Variants in TRPC7 observed in about 807,000 individuals in gnomAD.
The protein encoded by TRPC7 is transient receptor potential cation channel subfamily C member 7.
TRPC7 carries 42 observed loss-of-function variants against 90.1 expected under a neutral mutation model. The ratio of observed to expected loss-of-function variants is 0.47; its 90% CI spans 0.36 to 0.60. TRPC7 has a LOEUF of 0.60. Among genes scored for constraint, TRPC7 ranks in the 20% least tolerant of loss-of-function variants. The pLI, the probability that TRPC7 is intolerant of heterozygous loss-of-function variation, is 0.00. For synonymous variants in TRPC7, 451 were observed against 436.3 expected (o/e 1.03, Z -0.42); for missense variants, 955 against 1,112.3 (o/e 0.86, Z 2.01).
intron 8 of TRPC7, among the ~76,000 whole-genome samples, chr5:136,226,769 A>C (rs1307993623): frequency 6.6e-6 from 1 of 152,246 alleles, no homozygotes; most frequent in African/African-American, 2.4e-5. Flanking sequence ...AACAGGTGAA[A>C]TTAATTTTAG....
intron 2 of TRPC7, among the ~76,000 whole-genome samples, chr5:136,316,943 G>A (rs1759043316): frequency 6.6e-6 from 1 of 152,242 alleles, no homozygotes. Flanking sequence ...ATAGTTGGAA[G>A]CCTGGCAAAC....
intron 3 of TRPC7, among the ~76,000 whole-genome samples, chr5:136,301,513 T>C (rs1758386545): frequency 6.6e-6 from 1 of 152,078 alleles, no homozygotes; most frequent in African/African-American, 2.4e-5. Flanking sequence ...TTGTGATTTG[T>C]TTCTGCCCCA....
intron 7 of TRPC7, among the ~76,000 whole-genome samples, chr5:136,237,823 C>T (rs1756030740): frequency 6.6e-6 from 1 of 152,214 alleles, no homozygotes; most frequent in South Asian, 2.1e-4. Context: ...CTGCAATAGG[C>T]TCCAATATCT....
At chr5:136,314,731 A>C (rs1758955548) in intron 3 of TRPC7, among the ~76,000 whole-genome samples, 1 of 152,192 alleles carries the variant, frequency 6.6e-6, no homozygotes, top group Non-Finnish European at 1.5e-5. Context: ...GGGGGCTTTA[A>C]AAATACCATT....
At chr5:136,335,479 C>T (rs1209205182) in intron 2 of TRPC7, among the ~76,000 whole-genome samples, 1 of 152,028 alleles carries the variant, frequency 6.6e-6, no homozygotes, top group African/African-American at 2.4e-5. Context: ...ACCCCTTCTC[C>T]CCATACCCAC....
chr5:136,216,524 G>C (rs1281608988), intron 10 of TRPC7, among the ~76,000 whole-genome samples: 1 of 152,204 alleles, frequency 6.6e-6, no homozygotes, highest in Non-Finnish European at 1.5e-5. Context: ...CTTAATGGCA[G>C]GAAGCTGAGC....
chr5:136,329,010 C>G (rs1759421839), intron 2 of TRPC7, among the ~76,000 whole-genome samples: 1 of 152,232 alleles, frequency 6.6e-6, no homozygotes, highest in Admixed American at 6.5e-5. Flanking sequence ...CTGCGCACCA[C>G]CTTCCTCAGC....
chr5:136,276,978 C>T (rs576641312), intron 3 of TRPC7, among the ~76,000 whole-genome samples: 8 of 152,206 alleles, frequency 5.3e-5, no homozygotes, highest in African/African-American at 9.7e-5. Context: ...TTAGAAGACG[C>T]GACACATGCT....
At chr5:136,273,006 C>A (rs1406509794) in intron 4 of TRPC7, among the ~76,000 whole-genome samples, 5 of 152,206 alleles carry the variant, frequency 3.3e-5, no homozygotes, top group Admixed American at 1.3e-4. Context: ...TCCCAGGCCA[C>A]TAGGCACTCA....
intron 5 of TRPC7, among the ~76,000 whole-genome samples, chr5:136,256,028 G>A (rs1476680053): frequency 6.6e-6 from 1 of 152,206 alleles, no homozygotes; most frequent in African/African-American, 2.4e-5. Context: ...GTGGAACAAT[G>A]CTACACTTAA....
chr5:136,360,786 A>G (rs1188442589), intron 1 of TRPC7, among the ~76,000 whole-genome samples: 1 of 152,176 alleles, frequency 6.6e-6, no homozygotes, highest in South Asian at 2.1e-4. Context: ...GGGCTTCACA[A>G]TAGACTATGA....
intron 6 of TRPC7, among the ~76,000 whole-genome samples, chr5:136,250,682 C>T (rs1327933416): frequency 1.3e-5 from 2 of 152,216 alleles, no homozygotes; most frequent in East Asian, 3.8e-4. Flanking sequence ...AAGCGCTTCA[C>T]ATACACTATT....
chr5:136,263,436 A>G (rs757719874), intron 5 of TRPC7, among the ~76,000 whole-genome samples: 3 of 152,204 alleles, frequency 2.0e-5, no homozygotes, highest in African/African-American at 7.2e-5. Context: ...ATTACCAAAC[A>G]TTTCAAGATG....
At position 136,242,220 on chromosome 5, in the gene TRPC7, TTGTACTC is replaced by T. The variant is rs575854050; in HGVS notation, c.1844+5244_1844+5250del. On this transcript the variant is annotated intron_variant, in intron 7 of 11. Coordinates refer to ENST00000513104, the MANE Select transcript of TRPC7 (RefSeq NM_020389.3). ...ACCCATGTCTTGGGATACTTCGATT[TTGTACTC>T]TGAGAGCATAAACCTTGTCTGAACA... 9.3e-4 allele frequency among the ~76,000 whole-genome samples: 142 copies of T among 152,332 alleles called. 1 individual carries two copies. The South Asian group carries it at 0.017, about 18-fold the overall frequency.
At chr5:136,252,627 T>A (rs1183367988) in intron 5 of TRPC7, among the ~76,000 whole-genome samples, 1 of 8,578 alleles carries the variant, frequency 1.2e-4, no homozygotes, top group Admixed American at 1.2e-3. Flanking sequence ...GGGGTTGGAG[T>A]GGGGGTGGAG....
intron 1 of TRPC7, among the ~76,000 whole-genome samples, chr5:136,362,608 T>C (rs1223389579): frequency 6.6e-6 from 1 of 152,158 alleles, no homozygotes; most frequent in African/African-American, 2.4e-5. Flanking sequence ...GATGAAGTGA[T>C]GGTCAAATTA....
chr5:136,315,800 C>A, intron 2 of TRPC7, 21 bp from the exon 3 acceptor site: 1 of 1,607,900 alleles, frequency 6.2e-7, no homozygotes, highest in South Asian at 1.1e-5. Context: ...AGAGAGAAAT[C>A]AGCGGTATGT....
intron 7 of TRPC7, among the ~76,000 whole-genome samples, chr5:136,239,175 TGG>T (rs1045179473): frequency 1.1e-4 from 17 of 152,300 alleles, no homozygotes; most frequent in African/African-American, 4.1e-4. Flanking sequence ...ATTTTTGAGA[TGG>T]GGTCTCAATC....
intron 6 of TRPC7, among the ~76,000 whole-genome samples, chr5:136,250,923 C>T (rs1756498018): frequency 6.6e-6 from 1 of 152,130 alleles, no homozygotes; most frequent in Admixed American, 6.5e-5. Context: ...CAAGGCAATC[C>T]TGTATTTTCT....
Sources: allele counts gnomAD v4.1 joint callset (sites outside exome capture counted in the v4.1 genomes callset), GRCh38; gene constraint gnomAD v4.1.1; transcripts MANE v1.5; gene names NCBI Gene and HGNC (gene_info 2026-07-23, HGNC 2026-07-21).